METAP1: variants seen among roughly 807,000 people sequenced by gnomAD.
METAP1 encodes the protein methionyl aminopeptidase 1.
Under a neutral mutation model 53.8 loss-of-function variants are expected in METAP1, and 28 were observed. The observed-to-expected ratio is 0.52, with a 90% CI of 0.39 to 0.71. The LOEUF is 0.71. METAP1 is among the 30% of genes least tolerant of loss of function. METAP1 has a pLI of 0.00. For synonymous variants in METAP1, 181 were observed against 165.7 expected (o/e 1.09, Z -0.71); for missense variants, 389 against 479.8 (o/e 0.81, Z 1.77).
At chr4:99,014,286 A>C (rs530900350) in intron 1 of METAP1, among the ~76,000 whole-genome samples, 4 of 152,254 alleles carry the variant, frequency 2.6e-5, no homozygotes, top group South Asian at 4.1e-4. Flanking sequence ...TTATACTTCT[A>C]TCTGGGGCTG....
intron 1 of METAP1, among the ~76,000 whole-genome samples, chr4:99,024,188 G>T (rs543625349): frequency 5.3e-5 from 8 of 152,234 alleles, no homozygotes; most frequent in Admixed American, 1.3e-4. Context: ...TCTGATTATC[G>T]GTACATGCAG....
At chr4:99,029,286 G>A (rs1014081636) in intron 2 of METAP1, among the ~76,000 whole-genome samples, 5 of 151,958 alleles carry the variant, frequency 3.3e-5, no homozygotes, top group Non-Finnish European at 7.4e-5. Context: ...ATTCCTTTTG[G>A]TTTCTTTTAG....
At chr4:99,037,871 ATTAAAT>A (rs1321518333) in intron 4 of METAP1, 1 of 151,922 alleles carries the variant, frequency 6.6e-6, no homozygotes, top group Non-Finnish European at 1.5e-5. Context: ...TTGGGATAGT[ATTAAAT>A]TTATAGATTA....
intron 10 of METAP1, among the ~76,000 whole-genome samples, chr4:99,060,770 T>C (rs1241268322): frequency 1.3e-5 from 2 of 152,220 alleles, no homozygotes; most frequent in Admixed American, 6.5e-5. Context: ...ATTTCCTGTT[T>C]TAAAATGGAC....
At chr4:99,028,749 G>T in intron 1 of METAP1, 118 bp from the exon 2 acceptor site, 1 of 609,414 alleles carries the variant, frequency 1.6e-6, no homozygotes. Context: ...AATTCGCAAA[G>T]TTACAGGTCT....
At chr4:99,039,183 G>A (rs1725664088) in intron 4 of METAP1, 191 bp from the exon 5 acceptor site, 1 of 428,980 alleles carries the variant, frequency 2.3e-6, no homozygotes, top group Admixed American at 4.3e-5. Context: ...TTCTTCAGTT[G>A]GTTTAGCGAG....
At chr4:99,059,979 G>C (rs1727423974) in intron 10 of METAP1, among the ~76,000 whole-genome samples, 1 of 152,160 alleles carries the variant, frequency 6.6e-6, no homozygotes. Context: ...ATCAGGAATT[G>C]AATGCTGTAA....
At chr4:99,017,613 G>A (rs958962452) in intron 1 of METAP1, among the ~76,000 whole-genome samples, 1 of 152,248 alleles carries the variant, frequency 6.6e-6, no homozygotes, top group Non-Finnish European at 1.5e-5. Flanking sequence ...GCAGGGTCAA[G>A]TGAACTATCA....
chr4:99,058,551 C>G (rs545379618), intron 10 of METAP1, among the ~76,000 whole-genome samples: 1 of 152,150 alleles, frequency 6.6e-6, no homozygotes, highest in African/African-American at 2.4e-5. Context: ...CAGAGTGATT[C>G]TGGTAATGGA....
At chr4:99,035,632 A>G (rs949605434) in intron 4 of METAP1, among the ~76,000 whole-genome samples, 172 bp downstream of exon 4, 1 of 152,152 alleles carries the variant, frequency 6.6e-6, no homozygotes, top group African/African-American at 2.4e-5. Context: ...CCCCATTAGA[A>G]ATCTACCTAC....
chr4:99,054,048 A>T (rs1174333516), intron 9 of METAP1, among the ~76,000 whole-genome samples: 3 of 148,954 alleles, frequency 2.0e-5, no homozygotes, highest in African/African-American at 5.2e-5. Flanking sequence ...GTAGATGAGC[A>T]TTGGCTTCAA....
chr4:99,004,460 CACACACACACACACACACACACAT>C (rs1376741736), intron 1 of METAP1, among the ~76,000 whole-genome samples: 706 of 26,892 alleles, frequency 0.026, 6 homozygotes, highest in African/African-American at 0.064. Flanking sequence ...CACACACACA[CACACACACACACACACACACACAT>C]ACACACACAC....
At chr4:99,000,209 C>T (rs973066571) in intron 1 of METAP1, among the ~76,000 whole-genome samples, 2 of 152,150 alleles carry the variant, frequency 1.3e-5, no homozygotes, top group East Asian at 3.8e-4. Flanking sequence ...AGTTTTTTAG[C>T]TGATGTTTAA....
intron 8 of METAP1, among the ~76,000 whole-genome samples, chr4:99,048,323 G>A (rs1220798082): frequency 1.3e-5 from 2 of 152,070 alleles, no homozygotes; most frequent in African/African-American, 4.8e-5. Flanking sequence ...AGGCATGGAT[G>A]CATAAAAGTG....
intron 8 of METAP1, 112 bp downstream of exon 8, chr4:99,045,422 A>T (rs1726151743): frequency 1.7e-6 from 2 of 1,176,518 alleles, no homozygotes; most frequent in African/African-American, 1.5e-5. Flanking sequence ...CCCCTGTTCT[A>T]CCTGAGTTAG....
chr4:99,026,820 G>C, intron 1 of METAP1: 1 of 985,366 alleles, frequency 1.0e-6, no homozygotes, highest in Non-Finnish European at 1.2e-6. Flanking sequence ...TGACTTGGTT[G>C]CCTCATGGCC....
chr4:99,048,766 A>G lies in METAP1; in HGVS notation c.821A>G (p.Asn274Ser), dbSNP rs751485363. 5 of 1,613,886 alleles carry G rather than the reference A, an allele frequency of 3.1e-6. No homozygotes were observed. The highest frequency in any genetic ancestry group is 1.1e-5 in the South Asian group (1 of 91,084). ...KPGVRYRELGNIIQKHAQANG... is the reference protein window; with the variant it reads ...KPGVRYRELGSIIQKHAQANG... ...GGTGTTCGGTACAGAGAATTGGGAA[A>G]CATTATCCAGAAGCATGCCCAAGCA... is the stretch of plus-strand genomic sequence containing the variant. Residue 274 changes from asparagine to serine, a missense_variant, in exon 9 of 11, where the codon AAC (asparagine) becomes AGC (serine). Transcript: ENST00000296411.
intron 9 of METAP1, among the ~76,000 whole-genome samples, chr4:99,052,399 C>T (rs752435972): frequency 2.6e-5 from 4 of 152,124 alleles, no homozygotes; most frequent in Non-Finnish European, 4.4e-5. Context: ...AATTGGCTCA[C>T]GGTTCTGCAG....
At chr4:99,053,738 A>T (rs1169057335) in intron 9 of METAP1, among the ~76,000 whole-genome samples, 1 of 152,194 alleles carries the variant, frequency 6.6e-6, no homozygotes, top group Non-Finnish European at 1.5e-5. Flanking sequence ...ATGCCATGTT[A>T]GCAAGCATGA....
Sources: allele counts gnomAD v4.1 joint callset (sites outside exome capture counted in the v4.1 genomes callset), GRCh38; gene constraint gnomAD v4.1.1; transcripts MANE v1.5; gene names NCBI Gene and HGNC (gene_info 2026-07-23, HGNC 2026-07-21).